GAB2: variants seen among roughly 807,000 people sequenced by gnomAD.
GAB2 encodes GRB2 associated binding protein 2, also known as GRB2-associated-binding protein 2.
A neutral mutation model predicts 65.5 loss-of-function variants in GAB2; 26 were observed. The observed-to-expected ratio is 0.40, with a 90% confidence interval of 0.29 to 0.55. GAB2 has a LOEUF of 0.55. Among genes scored for constraint, GAB2 ranks in the 20% least tolerant of loss-of-function variants. The probability of loss-of-function intolerance (pLI) is 0.53; values close to 1 mark genes in which losing one functional copy is unlikely to be tolerated. For synonymous variants in GAB2, 321 were observed against 329.6 expected (o/e 0.97, Z 0.28); for missense variants, 884 against 875.8 (o/e 1.01, Z -0.12).
intron 2 of GAB2, among the ~76,000 whole-genome samples, chr11:78,277,759 A>G (rs2134579705): frequency 6.6e-6 from 1 of 152,354 alleles, no homozygotes; most frequent in African/African-American, 2.4e-5. Context: ...ACCCCCTGGA[A>G]GCATGCCAAT....
At chr11:78,252,778 A>G (rs1044078498) in intron 2 of GAB2, among the ~76,000 whole-genome samples, 1 of 152,002 alleles carries the variant, frequency 6.6e-6, no homozygotes, top group South Asian at 2.1e-4. Flanking sequence ...ACCTCCCTTC[A>G]GACGTCCCAC....
At chr11:78,363,385 G>A (rs1330789328) in intron 1 of GAB2, among the ~76,000 whole-genome samples, 1 of 151,980 alleles carries the variant, frequency 6.6e-6, no homozygotes, top group African/African-American at 2.4e-5. Context: ...CACACTGCCT[G>A]GTATATAGTA....
At chr11:78,327,300 C>T (rs1207549802) in intron 1 of GAB2, among the ~76,000 whole-genome samples, 1 of 152,128 alleles carries the variant, frequency 6.6e-6, no homozygotes, top group Non-Finnish European at 1.5e-5. Context: ...GTCTGCTGGG[C>T]ATTCAAAGTC....
chr11:78,225,855 T>C (rs1252409069), intron 4 of GAB2, among the ~76,000 whole-genome samples: 1 of 152,234 alleles, frequency 6.6e-6, no homozygotes, highest in Non-Finnish European at 1.5e-5. Context: ...AAGAAAAGGC[T>C]TTGCAAACCA....
At chr11:78,293,484 C>G (rs1255430706) in intron 1 of GAB2, among the ~76,000 whole-genome samples, 1 of 152,172 alleles carries the variant, frequency 6.6e-6, no homozygotes, top group Non-Finnish European at 1.5e-5. Flanking sequence ...GTTAATTTAA[C>G]ACAATCTCTA....
chr11:78,331,419 G>T (rs1855912085), intron 1 of GAB2, among the ~76,000 whole-genome samples: 3 of 151,704 alleles, frequency 2.0e-5, no homozygotes, highest in Admixed American at 2.0e-4. Context: ...CTAATTTTTT[G>T]TATTTTTAGT....
At chr11:78,381,460 G>A (rs1856696330) in intron 1 of GAB2, among the ~76,000 whole-genome samples, 1 of 152,140 alleles carries the variant, frequency 6.6e-6, no homozygotes, top group African/African-American at 2.4e-5. Flanking sequence ...AACAGCTAAG[G>A]CAGAGTAAGA....
chr11:78,336,477 GTTGT>G (rs141892427), intron 1 of GAB2, among the ~76,000 whole-genome samples: 23,671 of 91,584 alleles, frequency 0.26, 2,531 homozygotes, highest in East Asian at 0.44. Context: ...TGTAATAGTT[GTTGT>G]TTTTTTTTTT....
At chr11:78,324,063 G>T (rs1196948761) in intron 1 of GAB2, among the ~76,000 whole-genome samples, 1 of 151,898 alleles carries the variant, frequency 6.6e-6, no homozygotes. Flanking sequence ...CTCCCAAAGT[G>T]CTGGGATAAC....
intron 6 of GAB2, among the ~76,000 whole-genome samples, chr11:78,222,675 T>G (rs1315185837): frequency 6.6e-6 from 1 of 152,036 alleles, no homozygotes; most frequent in East Asian, 1.9e-4. Flanking sequence ...CTCTGCCTCC[T>G]GAGTTCAAGT....
At chr11:78,291,737 AT>A (rs112307198) in intron 1 of GAB2, among the ~76,000 whole-genome samples, 26 of 144,598 alleles carry the variant, frequency 1.8e-4, no homozygotes, top group Admixed American at 1.4e-4. Context: ...TACCCAGTTA[AT>A]TTTTTTTTTT....
At chr11:78,399,214 A>C (rs187337151) in intron 1 of GAB2, among the ~76,000 whole-genome samples, 10 of 152,212 alleles carry the variant, frequency 6.6e-5, no homozygotes. Flanking sequence ...TCAAGCCTGC[A>C]CCAAGCTGCT....
chr11:78,398,179 G>C (rs1236692787), intron 1 of GAB2, among the ~76,000 whole-genome samples: 2 of 152,072 alleles, frequency 1.3e-5, no homozygotes, highest in Non-Finnish European at 1.5e-5. Flanking sequence ...AACTCCAATT[G>C]GCATGTTCTT....
intron 1 of GAB2, among the ~76,000 whole-genome samples, chr11:78,293,212 T>C (rs960877921): frequency 6.6e-6 from 1 of 152,210 alleles, no homozygotes; most frequent in Non-Finnish European, 1.5e-5. Context: ...GACTCATTCA[T>C]CTGAGAAAGG....
intron 1 of GAB2, among the ~76,000 whole-genome samples, chr11:78,352,273 G>C (rs1371325220): frequency 6.6e-6 from 1 of 152,196 alleles, no homozygotes; most frequent in Non-Finnish European, 1.5e-5. Context: ...GTCAGACGGG[G>C]ACTAGCTTTA....
At position 78,227,785 on chromosome 11, in the gene GAB2, A is replaced by G. The variant is rs540775537; in HGVS notation, c.621-734T>C. On this transcript the variant is annotated intron_variant, in intron 3 of 9. Transcript: ENST00000361507. ...ACTGCATTCCAGTCTAGTAAACAGA[A>G]TGAGACCCTGTTTCAAAAAAACACA... Among the ~76,000 whole-genome samples, 545 of 152,186 alleles carry G rather than the reference A, an allele frequency of 3.6e-3. 1 individual carries two copies. The highest frequency in any genetic ancestry group is 6.2e-3 in the Non-Finnish European group (419 of 68,000).
intron 8 of GAB2, among the ~76,000 whole-genome samples, chr11:78,220,982 A>G (rs1864394545): frequency 6.6e-6 from 1 of 152,112 alleles, no homozygotes; most frequent in Non-Finnish European, 1.5e-5. Context: ...TCCCCCGCCT[A>G]GCTCCTCCAA....
At chr11:78,247,847 C>A (rs1257716506) in intron 3 of GAB2, among the ~76,000 whole-genome samples, 1 of 152,184 alleles carries the variant, frequency 6.6e-6, no homozygotes, top group Middle Eastern at 3.2e-3. Context: ...TGGAATTCTG[C>A]AAACATTATT....
Position 78,239,243 on chromosome 11 carries a change from TAG to T in GAB2, c.620+10912_620+10913del, listed in dbSNP as rs201481254. Among the ~76,000 whole-genome samples the T allele has an allele frequency of 4.3e-3, 652 of 152,268 alleles. 19 individuals carry two copies. Among genetic ancestry groups the T allele is most frequent in the Admixed American group, 0.04 (604 of 15,282 alleles). On this transcript the variant is annotated intron_variant, in intron 3 of 9. Transcript: ENST00000361507. ...TTTAATTTTATGTATTTTTTTGAGA[TAG>T]AGTCTTGCTCTGTTGCCCAGGCTGG...
Sources: allele counts gnomAD v4.1 joint callset (sites outside exome capture counted in the v4.1 genomes callset), GRCh38; gene constraint gnomAD v4.1.1; transcripts MANE v1.5; gene names NCBI Gene and HGNC (gene_info 2026-07-23, HGNC 2026-07-21).